CACNA1H: variants seen among roughly 807,000 people sequenced by gnomAD.
CACNA1H encodes calcium voltage-gated channel subunit alpha1 H.
CACNA1H carries 149 observed loss-of-function variants against 192.5 expected under a neutral mutation model. The ratio of observed to expected loss-of-function variants is 0.77; its 90% CI spans 0.68 to 0.89. The LOEUF (loss-of-function observed/expected upper bound fraction) is 0.89, where lower values mean the gene tolerates loss of function less well. CACNA1H is among the 40% of genes least tolerant of loss of function. The probability of loss-of-function intolerance (pLI) is 0.00; values close to 1 mark genes in which losing one functional copy is unlikely to be tolerated. For synonymous variants in CACNA1H, 2,202 were observed against 1,475.2 expected (o/e 1.49, Z -11.29); for missense variants, 4,257 against 3,423.5 (o/e 1.24, Z -6.08).
At chr16:1,206,060 C>G in intron 11 of CACNA1H, 44 bp from the exon 12 acceptor site, 2 of 1,515,294 alleles carry the variant, frequency 1.3e-6, no homozygotes, top group Non-Finnish European at 8.8e-7. Flanking sequence ...GGCCTGGGGT[C>G]AGGGATCGTG....
intron 30 of CACNA1H, 86 bp from the exon 31 acceptor site, chr16:1,216,846 G>T: frequency 9.2e-7 from 1 of 1,084,634 alleles, no homozygotes; most frequent in Non-Finnish European, 1.4e-6. Flanking sequence ...GTGGGGTCTG[G>T]TGGCCGAGGC....
intron 11 of CACNA1H, among the ~76,000 whole-genome samples, chr16:1,205,501 G>A (rs537686878): frequency 2.0e-5 from 3 of 152,330 alleles, no homozygotes; most frequent in Admixed American, 6.5e-5. Context: ...GCACCTGTTA[G>A]GTCAGCTGCG....
chr16:1,175,398 T>C (rs1431736405), intron 2 of CACNA1H, among the ~76,000 whole-genome samples: 7 of 152,148 alleles, frequency 4.6e-5, no homozygotes, highest in Admixed American at 3.3e-4. Context: ...GGCAGGGCTT[T>C]GAGGGGGTTG....
intron 12 of CACNA1H, chr16:1,206,734 C>G (rs1460910925): frequency 6.2e-6 from 3 of 486,724 alleles, no homozygotes; most frequent in Non-Finnish European, 1.1e-5. Context: ...CAGTTGCCAC[C>G]CAAATCCAGA....
At chr16:1,215,724 C>T (rs1969971063) in intron 30 of CACNA1H, 131 bp downstream of exon 30, 2 of 736,098 alleles carry the variant, frequency 2.7e-6, no homozygotes, top group African/African-American at 1.7e-5. Context: ...AAGCTGCGTC[C>T]CTGCTGTGTG....
In CACNA1H at chr16:1,165,577, A is replaced by C. The variant is rs578139601; in HGVS notation, c.299+11541A>C. ...GCCTCCGGTGCATCTGGGCATGGGA[A>C]TTCAGGCAGCACAAGCCGGCCCGGA... is the stretch of plus-strand genomic sequence containing the variant. On this transcript the variant is annotated intron_variant, in intron 2 of 34. Transcript: ENST00000348261. 8.6e-4 allele frequency among the ~76,000 whole-genome samples: 131 copies of C among 152,176 alleles called. 5 individuals are homozygous for C. In the South Asian group the frequency reaches 0.024, roughly 28 times the overall value.
intron 30 of CACNA1H, among the ~76,000 whole-genome samples, 151 bp downstream of exon 30, chr16:1,215,744 G>A (rs1032097187): frequency 5.3e-5 from 8 of 152,204 alleles, no homozygotes; most frequent in Admixed American, 5.2e-4. Flanking sequence ...GCAGTGCATG[G>A]CTTGGCTGGG....
At chr16:1,168,951 C>A (rs1219955751) in intron 2 of CACNA1H, among the ~76,000 whole-genome samples, 1 of 152,144 alleles carries the variant, frequency 6.6e-6, no homozygotes, top group Non-Finnish European at 1.5e-5. Flanking sequence ...CCGCCCCCTG[C>A]CCGCCTGGGG....
intron 34 of CACNA1H, among the ~76,000 whole-genome samples, chr16:1,219,645 G>A (rs1221016167): frequency 1.3e-5 from 2 of 152,244 alleles, no homozygotes; most frequent in Non-Finnish European, 2.9e-5. Flanking sequence ...CACAGGAGCA[G>A]TTAGGAGAGC....
chr16:1,155,929 ACCTGACAG>A (rs1962307103), intron 2 of CACNA1H, among the ~76,000 whole-genome samples: 1 of 151,014 alleles, frequency 6.6e-6, no homozygotes, highest in Non-Finnish European at 1.5e-5. Context: ...GGGCTTTGTG[ACCTGACAG>A]GAGTATGCTC....
At chr16:1,210,291 C>A in intron 18 of CACNA1H, 79 bp from the exon 19 acceptor site, 5 of 1,340,768 alleles carry the variant, frequency 3.7e-6, no homozygotes, top group Non-Finnish European at 5.2e-6. Flanking sequence ...GAGGCGTGGC[C>A]AGGGCTGTCC....
At chr16:1,190,355 T>C (rs1966491625) in intron 2 of CACNA1H, among the ~76,000 whole-genome samples, 1 of 152,232 alleles carries the variant, frequency 6.6e-6, no homozygotes, top group South Asian at 2.1e-4. Flanking sequence ...GTCACCAGGC[T>C]CCGTGCGACA....
intron 5 of CACNA1H, among the ~76,000 whole-genome samples, chr16:1,196,259 G>GGC (rs1966956456): frequency 6.6e-6 from 1 of 152,268 alleles, no homozygotes; most frequent in Non-Finnish European, 1.5e-5. Context: ...CAGGGTACCT[G>GGC]GCTCCCACAC....
intron 2 of CACNA1H, among the ~76,000 whole-genome samples, chr16:1,176,491 T>C (rs1964904729): frequency 6.6e-6 from 1 of 152,206 alleles, no homozygotes; most frequent in South Asian, 2.1e-4. Flanking sequence ...GGCAATGACC[T>C]GTGGCTCGGG....
chr16:1,221,681 A>C lies in CACNA1H; in HGVS notation c.*687A>C, dbSNP rs949766411. The C allele has an allele frequency of 1.7e-6, 2 of 1,159,612 alleles. No individual in the cohort carries two copies. 71.8% of individuals were successfully genotyped at this position (1,159,612 alleles called of 1,614,324 possible). ...TTCGTGTGCTTTTAAATTCAGGTTA[A>C]ATGTTGCAATAATCTGATGCAGAAG... is the stretch of plus-strand genomic sequence containing the variant. On this transcript the variant is annotated 3_prime_UTR_variant, in exon 35 of 35. Transcript: ENST00000348261.
intron 5 of CACNA1H, among the ~76,000 whole-genome samples, chr16:1,196,920 T>G (rs1205698105): frequency 1.3e-5 from 2 of 152,144 alleles, no homozygotes; most frequent in African/African-American, 4.8e-5. Context: ...GAGTGCATAC[T>G]GCGTGTAGAT....
chr16:1,200,987 A>G (rs1967807917), intron 8 of CACNA1H, among the ~76,000 whole-genome samples, 179 bp downstream of exon 8: 1 of 152,046 alleles, frequency 6.6e-6, no homozygotes, highest in African/African-American at 2.4e-5. Flanking sequence ...CCAAGAGGCC[A>G]TGGCATCACC....
chr16:1,202,177 A>G lies in CACNA1H; in HGVS notation c.1727A>G (p.Tyr576Cys). Residue 576 changes from tyrosine to cysteine, a missense_variant, in exon 9 of 35, where the codon TAC becomes TGC. By Grantham distance (194) the Tyr-to-Cys change is radical. Coordinates refer to ENST00000348261, the MANE Select transcript of CACNA1H (RefSeq NM_021098.3). ...GACGCAGAGTCTGTGCACAGCATCT[A>G]CCATGCCGACTGCCACATAGAGGGG... ...PPDAESVHSI[Y>C]HADCHIEGPQ... 1.9e-6 allele frequency: 3 copies of G among 1,552,334 alleles called. No individual in the cohort carries two copies. The highest frequency in any genetic ancestry group is 1.7e-6 in the Non-Finnish European group (2 of 1,148,684).
At chr16:1,159,880 TGGTGGAACGCTCA>T (rs1016849404) in intron 2 of CACNA1H, 1 of 151,922 alleles carries the variant, frequency 6.6e-6, no homozygotes, top group Non-Finnish European at 1.5e-5. Flanking sequence ...CTCCCTGGCC[TGGTGGAACGCTCA>T]GGGGTGGTTC....
Sources: gnomAD v4.1 joint callset for allele counts (sites outside exome capture counted in the v4.1 genomes callset) on GRCh38, gnomAD v4.1.1 for gene constraint, MANE v1.5 for transcripts, NCBI Gene and HGNC (gene_info 2026-07-23, HGNC 2026-07-21) for gene names.